POLR1B: variants seen among roughly 807,000 people sequenced by gnomAD.
POLR1B encodes the protein RNA polymerase I subunit B, also known as DNA-directed RNA polymerase I subunit RPA2.
A neutral mutation model predicts 105.8 loss-of-function variants in POLR1B; 30 were observed. That is an observed-to-expected ratio of 0.28 (90% CI 0.21 to 0.38). The LOEUF is 0.38. Ranked by LOEUF, POLR1B falls within the 10% of genes least tolerant of loss-of-function variation. The pLI is 1.00. For missense variants in POLR1B, 976 were observed against 1,435.8 expected, an observed-to-expected ratio of 0.68 and a Z score of 5.17; for synonymous variants, 485 against 505.1, an observed-to-expected ratio of 0.96 and a Z score of 0.53.
At chr2:112,557,622 G>A (rs927043172) in intron 7 of POLR1B, among the ~76,000 whole-genome samples, 15 of 152,142 alleles carry the variant, frequency 9.9e-5, no homozygotes, top group African/African-American at 3.6e-4. Flanking sequence ...TGTTTCCCAG[G>A]CTGGAGTGCA....
chr2:112,547,103 G>A lies in POLR1B; in HGVS notation c.269G>A (p.Gly90Glu). The change falls in exon 2 of 15, where the codon GGG becomes GAG. Residue 90 changes from glycine (G) to glutamate (E), a missense_variant. By Grantham distance (98) the Gly-to-Glu change is moderately conservative. This residue lies in a region of POLR1B where 452 missense variants were observed against 616.5 expected (regional missense o/e 0.73). Coordinates refer to ENST00000263331, the MANE Select transcript of POLR1B (RefSeq NM_019014.6). ...ATCAGTCCACCTACAGTTCCAAAAGGGACCATCTGCAAAGAGGCCAATGTT... is the reference window on the plus strand; with the variant it reads ...ATCAGTCCACCTACAGTTCCAAAAGAGACCATCTGCAAAGAGGCCAATGTT... ...AVISPPTVPK[G>E]TICKEANVYP... 6.2e-7 allele frequency: 1 copy of A among 1,614,140 alleles called. No individual in the cohort carries two copies. Among genetic ancestry groups the A allele is most frequent in the Non-Finnish European group, 8.5e-7 (1 of 1,180,022 alleles).
intron 7 of POLR1B, 28 bp downstream of exon 7, chr2:112,552,844 C>T (rs758840887): frequency 2.0e-6 from 3 of 1,495,736 alleles, no homozygotes; most frequent in Admixed American, 2.3e-5. Context: ...CCACCCTTGG[C>T]CAGTGGTACC....
chr2:112,577,897 T>G lies in POLR1B; in HGVS notation c.*2168T>G, dbSNP rs561045505. On this transcript the variant is annotated 3_prime_UTR_variant, in exon 15 of 15. Transcript: ENST00000263331. Reference sequence around the variant, plus strand: ...AACCAATTTAATAGAAAAGATAGGCTTTGCTTCAGGAAGCTGGTTGAGAAG... The same window carrying G: ...AACCAATTTAATAGAAAAGATAGGCGTTGCTTCAGGAAGCTGGTTGAGAAG... 6.6e-6 allele frequency among the ~76,000 whole-genome samples: 1 copy of G among 151,178 alleles called. No individual in the cohort carries two copies. Among genetic ancestry groups the G allele is most frequent in the Admixed American group, 6.6e-5 (1 of 15,188 alleles).
Position 112,559,324 on chromosome 2 carries a change from T to C in POLR1B, c.1362T>C (p.Cys454=). The change falls in exon 9 of 15, where the codon TGT becomes TGC. Residue 454 remains cysteine (C), a synonymous_variant. Transcript: ENST00000263331. ...GCCTCCTACAAGATTCTGGACTTTG[T>C]GTTGTGGCTGACAAGCTGAACTTCA... The part of the protein sequence containing the change: ...GLGLLQDSGL[C]VVADKLNFIR... The C allele has an allele frequency of 6.2e-7, 1 of 1,614,186 alleles. No individual in the cohort carries two copies. Among genetic ancestry groups the C allele is most frequent in the South Asian group, 1.1e-5 (1 of 91,088 alleles).
intron 10 of POLR1B, among the ~76,000 whole-genome samples, chr2:112,566,859 A>G (rs894440589): frequency 5.9e-5 from 9 of 152,014 alleles, no homozygotes; most frequent in Non-Finnish European, 1.2e-4. Flanking sequence ...CGGTCTCCCA[A>G]GTAGCTGGGA....
chr2:112,545,825 T>C, intron 1 of POLR1B: 1 of 371,908 alleles, frequency 2.7e-6, no homozygotes, highest in South Asian at 2.0e-5. Context: ...TTTTTATTTT[T>C]TGTAGAGACG....
rs145535055 is a variant in POLR1B, at chr2:112,559,549, T to C, written c.1587T>C (p.Ser529=). 1.9e-6 allele frequency: 3 copies of C among 1,614,098 alleles called. No individual in the cohort carries two copies. In the African/African-American group the frequency reaches 4.0e-5, roughly 22 times the overall value. The change falls in exon 9 of 15, where the codon TCT becomes TCC. Residue 529 remains serine (S), a synonymous_variant. Transcript: ENST00000263331. ...TCACACAGTTTGTGTATACGGCATC[T>C]ATTCCAGCTTTACTGTGCAACTTGG... ...EVVTQFVYTA[S]IPALLCNLGV...
At chr2:112,563,067 T>C (rs932239941) in intron 9 of POLR1B, among the ~76,000 whole-genome samples, 5 of 148,320 alleles carry the variant, frequency 3.4e-5, no homozygotes, top group Admixed American at 6.7e-5. Flanking sequence ...TTTTCTTTTT[T>C]TTTTTGAAAT....
Position 112,574,949 on chromosome 2 carries a change from C to A in POLR1B, c.2628C>A (p.Asn876Lys). The change falls in exon 15 of 15, where the codon AAC (asparagine) becomes AAA (lysine). Residue 876 changes from asparagine (N) to lysine (K), a missense_variant. By Grantham distance (94) the Asn-to-Lys change is moderately conservative. This residue lies in a region of POLR1B where 119 missense variants were observed against 149.7 expected (regional missense o/e 0.79). Transcript: ENST00000263331. ...GCATCACTATGAGAGTGCCTCGGAA[C>A]CCAACTATCGGAGATAAATTTGCCA... Reference protein sequence around the residue: ...CVCITMRVPRNPTIGDKFASR... With the variant: ...CVCITMRVPRKPTIGDKFASR... 1 of 1,614,068 alleles carries A rather than the reference C, an allele frequency of 6.2e-7. No homozygotes were observed. The highest frequency in any genetic ancestry group is 8.5e-7 in the Non-Finnish European group (1 of 1,180,040).
chr2:112,567,257 C>G (rs563375933), intron 10 of POLR1B, among the ~76,000 whole-genome samples: 1 of 152,214 alleles, frequency 6.6e-6, no homozygotes, highest in Non-Finnish European at 1.5e-5. Flanking sequence ...AATGATAATG[C>G]ATCTAGCTGT....
intron 12 of POLR1B, among the ~76,000 whole-genome samples, chr2:112,570,153 A>G (rs1294481090): frequency 6.6e-6 from 1 of 151,502 alleles, no homozygotes; most frequent in East Asian, 1.9e-4. Context: ...TGTTCAATAA[A>G]TTCTCCTGCC....
rs772708258 is a variant in POLR1B at position 112,573,573 on chromosome 2, G to A, written c.2283G>A (p.Lys761=). Residue 761 remains lysine, a synonymous_variant, in exon 14 of 15, where the codon AAG becomes AAA. Transcript: ENST00000263331. ...YDMEDAMIVN[K]ASWERGFAHG... ...CTTTTACTTCACAGATTGTGAATAAGGCCTCTTGGGAACGAGGCTTTGCCC... is the reference window on the plus strand; with the variant it reads ...CTTTTACTTCACAGATTGTGAATAAAGCCTCTTGGGAACGAGGCTTTGCCC... 9.9e-6 allele frequency: 16 copies of A among 1,613,164 alleles called. No individual in the cohort carries two copies. In the African/African-American group the frequency reaches 1.7e-4, roughly 18 times the overall value.
At chr2:112,569,838 C>T (rs910822887) in intron 12 of POLR1B, among the ~76,000 whole-genome samples, 29 of 151,908 alleles carry the variant, frequency 1.9e-4, no homozygotes, top group Non-Finnish European at 4.0e-4. Flanking sequence ...GTATTACAGG[C>T]GTGAGCCACT....
chr2:112,570,770 T>TC (rs1234154740), intron 12 of POLR1B, among the ~76,000 whole-genome samples: 1 of 126,492 alleles, frequency 7.9e-6, no homozygotes, highest in Non-Finnish European at 1.6e-5. Context: ...TCTACTTGTT[T>TC]CTTTTTTTTT....
intron 4 of POLR1B, 101 bp from the exon 5 acceptor site, chr2:112,550,765 C>A: frequency 7.9e-7 from 1 of 1,263,410 alleles, no homozygotes. Flanking sequence ...AGTGATTTGG[C>A]TTTAATTGTG....
intron 2 of POLR1B, 73 bp from the exon 3 acceptor site, chr2:112,547,348 T>C: frequency 6.5e-7 from 1 of 1,534,786 alleles, no homozygotes; most frequent in Non-Finnish European, 8.9e-7. Context: ...TTCCTCAGTC[T>C]TTGAAAATAC....
At chr2:112,569,923 A>ATT (rs1223197374) in intron 12 of POLR1B, among the ~76,000 whole-genome samples, 4 of 151,784 alleles carry the variant, frequency 2.6e-5, no homozygotes, top group Non-Finnish European at 4.4e-5. Context: ...TTTTAAAAAC[A>ATT]TTGCTCCTAT....
At chr2:112,572,534 A>C (rs185700407) in intron 12 of POLR1B, 28 bp from the exon 13 acceptor site, 1 of 1,496,162 alleles carries the variant, frequency 6.7e-7, no homozygotes, top group Non-Finnish European at 9.0e-7. Context: ...AGCAGCAGAA[A>C]ATGCTAAGAT....
At chr2:112,542,140 T>C (rs1558649992), upstream of POLR1B, 5 of 1,535,552 alleles carry the variant, frequency 3.3e-6, no homozygotes, top group African/African-American at 1.4e-5. Flanking sequence ...CCGATCCTAA[T>C]TGACTGAGCC....
Sources: gnomAD v4.1 joint callset for allele counts (sites outside exome capture counted in the v4.1 genomes callset) on GRCh38, gnomAD v4.1.1 for gene constraint, gnomAD v4.1.1 regional missense constraint, MANE v1.5 for transcripts, NCBI Gene and HGNC (gene_info 2026-07-23, HGNC 2026-07-21) for gene names.